Variants in KSR1 observed in about 807,000 individuals in gnomAD.
KSR1 encodes the protein kinase suppressor of ras.
KSR1 carries 35 observed loss-of-function variants against 92.9 expected under a neutral mutation model. The ratio of observed to expected loss-of-function variants is 0.38; its 90% confidence interval spans 0.29 to 0.50. KSR1 has a LOEUF of 0.50. KSR1 is among the 20% of genes least tolerant of loss of function. KSR1 has a pLI of 0.94. For missense variants in KSR1, 972 were observed against 1,158.5 expected (o/e 0.84, Z 2.34); for synonymous variants, 467 against 472.6 (o/e 0.99, Z 0.15).
intron 2 of KSR1, among the ~76,000 whole-genome samples, chr17:27,573,628 T>C (rs770241576): frequency 3.3e-5 from 5 of 152,240 alleles, no homozygotes; most frequent in Admixed American, 6.5e-5. Context: ...GAAATTAATT[T>C]ACTTCGAAAA....
At chr17:27,535,535 G>A (rs987784018) in intron 1 of KSR1, among the ~76,000 whole-genome samples, 22 of 152,262 alleles carry the variant, frequency 1.4e-4, no homozygotes, top group Admixed American at 5.2e-4. Flanking sequence ...TTTCACAGCC[G>A]GTTGCTCTCC....
intron 1 of KSR1, among the ~76,000 whole-genome samples, chr17:27,505,592 C>CT (rs11423182): frequency 0.89 from 135,897 of 152,186 alleles, 60,786 homozygotes; most frequent in East Asian, 1. Flanking sequence ...GAGCAAGCTG[C>CT]GATCTCCCTG....
At chr17:27,527,611 C>A (rs1488355920) in intron 1 of KSR1, among the ~76,000 whole-genome samples, 2 of 151,900 alleles carry the variant, frequency 1.3e-5, no homozygotes, top group African/African-American at 2.4e-5. Context: ...GCCAGGCTGG[C>A]CTTGAACTCC....
chr17:27,622,363 C>A, intron 20 of KSR1: 1 of 178,702 alleles, frequency 5.6e-6, no homozygotes. Context: ...TAGTGCGGGG[C>A]GGGCGGAGGT....
At chr17:27,595,169 T>C (rs2073298134) in intron 9 of KSR1, among the ~76,000 whole-genome samples, 1 of 152,178 alleles carries the variant, frequency 6.6e-6, no homozygotes, top group African/African-American at 2.4e-5. Flanking sequence ...TCAACTTCTT[T>C]AACCAATAAT....
chr17:27,604,095 A>G (rs1166417557), intron 12 of KSR1, among the ~76,000 whole-genome samples: 1 of 152,152 alleles, frequency 6.6e-6, no homozygotes, highest in Admixed American at 6.5e-5. Flanking sequence ...GTGGGGCCGC[A>G]TGTGAAACTG....
At chr17:27,561,889 A>G (rs781620908) in intron 2 of KSR1, among the ~76,000 whole-genome samples, 8 of 152,168 alleles carry the variant, frequency 5.3e-5, no homozygotes, top group Admixed American at 2.0e-4. Flanking sequence ...TCTGTCGCCC[A>G]GGCTGGAGTA....
At chr17:27,536,276 G>A (rs1008855610) in intron 1 of KSR1, among the ~76,000 whole-genome samples, 2 of 152,140 alleles carry the variant, frequency 1.3e-5, no homozygotes, top group Admixed American at 1.3e-4. Context: ...CTCATTTGCT[G>A]GAGAAACTCA....
At chr17:27,569,119 CTG>C (rs1003438395) in intron 2 of KSR1, among the ~76,000 whole-genome samples, 3 of 152,118 alleles carry the variant, frequency 2.0e-5, no homozygotes, top group Non-Finnish European at 4.4e-5. Flanking sequence ...GTGGATAATA[CTG>C]TTTCTTTTTT....
At chr17:27,566,730 C>T (rs891878763) in intron 2 of KSR1, among the ~76,000 whole-genome samples, 3 of 152,232 alleles carry the variant, frequency 2.0e-5, no homozygotes, top group East Asian at 3.8e-4. Context: ...TGACTTCATT[C>T]GCTGTCTTCT....
intron 5 of KSR1, among the ~76,000 whole-genome samples, chr17:27,586,354 G>A (rs1041674599): frequency 6.6e-6 from 1 of 152,206 alleles, no homozygotes; most frequent in Non-Finnish European, 1.5e-5. Context: ...GAGATGTCTG[G>A]TTTTTGCCTG....
intron 2 of KSR1, among the ~76,000 whole-genome samples, chr17:27,554,420 T>G (rs895398659): frequency 4.6e-5 from 7 of 152,230 alleles, no homozygotes; most frequent in Non-Finnish European, 1.0e-4. Flanking sequence ...TGTTTACAGT[T>G]GCTCCCCATT....
At chr17:27,465,669 G>A (rs867764079) in intron 1 of KSR1, 1 of 152,194 alleles carries the variant, frequency 6.6e-6, no homozygotes, top group African/African-American at 2.4e-5. Flanking sequence ...ATTTGTATTA[G>A]CAGCATACTG....
At chr17:27,605,946 G>T (rs1181249340) in intron 14 of KSR1, 133 bp downstream of exon 14, 4 of 1,092,800 alleles carry the variant, frequency 3.7e-6, no homozygotes, top group Non-Finnish European at 5.2e-6. Flanking sequence ...CAAAAATGGG[G>T]TATAACTTCC....
intron 9 of KSR1, among the ~76,000 whole-genome samples, chr17:27,596,904 CTT>C (rs1184339724): frequency 6.6e-6 from 1 of 152,226 alleles, no homozygotes; most frequent in Non-Finnish European, 1.5e-5. Flanking sequence ...GTGGGAGAGA[CTT>C]TCATCAGGAA....
In KSR1 at chr17:27,592,373, C is replaced by T; in HGVS notation, c.1143C>T (p.His381=). Residue 381 remains histidine, a synonymous_variant, in exon 8 of 21, where the codon CAC becomes CAT. Coordinates refer to ENST00000644974, the MANE Select transcript of KSR1 (RefSeq NM_001394583.1). The part of the protein sequence containing the change: ...VKCKHCRLKC[H]NKCTKEAPAC... Reference sequence around the variant, plus strand: ...CCTTCTTTACCAGGTTGAAGTGTCACAACAAATGTACCAAAGAAGCCCCTG... The same window carrying T: ...CCTTCTTTACCAGGTTGAAGTGTCATAACAAATGTACCAAAGAAGCCCCTG... 2.5e-6 allele frequency: 4 copies of T among 1,613,950 alleles called. No individual in the cohort carries two copies. The highest frequency in any genetic ancestry group is 3.4e-6 in the Non-Finnish European group (4 of 1,179,842).
intron 1 of KSR1, among the ~76,000 whole-genome samples, chr17:27,475,632 C>T (rs536736361): frequency 6.6e-6 from 1 of 152,292 alleles, no homozygotes; most frequent in East Asian, 1.9e-4. Context: ...ACAGCGATGC[C>T]CTTCCGTCCA....
At position 27,618,665 on chromosome 17, in the gene KSR1, G is replaced by T. The variant is rs145683704; in HGVS notation, c.2627+1237G>T. On this transcript the variant is annotated intron_variant, in intron 19 of 20. Transcript: ENST00000644974. ...CAGGGAGCTGGCTGTGTGCCAGTAA[G>T]ACTTAATGCTGGAAACTGGGATTTC... 2.6e-5 allele frequency among the ~76,000 whole-genome samples: 4 copies of T among 152,324 alleles called. No homozygotes were observed. The East Asian group carries it at 5.8e-4, about 22-fold the overall frequency.
At chr17:27,562,504 T>G (rs1483427642) in intron 2 of KSR1, among the ~76,000 whole-genome samples, 2 of 152,206 alleles carry the variant, frequency 1.3e-5, no homozygotes, top group Non-Finnish European at 2.9e-5. Flanking sequence ...CAGGACTGTG[T>G]GCCTATAGCC....
Sources: allele counts gnomAD v4.1 joint callset (sites outside exome capture counted in the v4.1 genomes callset), GRCh38; gene constraint gnomAD v4.1.1; transcripts MANE v1.5; gene names NCBI Gene and HGNC (gene_info 2026-07-23, HGNC 2026-07-21).